The following COL4A3 variants were observed in gnomAD, a reference collection of about 807,000 sequenced individuals.
COL4A3 encodes collagen alpha-3(IV) chain.
COL4A3 carries 135 observed loss-of-function variants against 217.4 expected under a neutral mutation model. The observed-to-expected ratio is 0.62, with a 90% CI of 0.54 to 0.72. The LOEUF (loss-of-function observed/expected upper bound fraction) is 0.72. Among genes scored for constraint, COL4A3 ranks in the 30% least tolerant of loss-of-function variants. The pLI is 0.00. For synonymous variants in COL4A3, 690 were observed against 736.3 expected, an observed-to-expected ratio of 0.94 and a Z score of 1.02; for missense variants, 1,868 against 2,119.9, an observed-to-expected ratio of 0.88 and a Z score of 2.33.
intron 43 of COL4A3, among the ~76,000 whole-genome samples, chr2:227,300,046 C>T (rs1005866491): frequency 6.6e-6 from 1 of 152,134 alleles, no homozygotes; most frequent in East Asian, 1.9e-4. Context: ...TGGATAAATA[C>T]TTGGTTCTTT....
At chr2:227,295,821 C>T (rs2073004191) in intron 41 of COL4A3, among the ~76,000 whole-genome samples, 1 of 152,150 alleles carries the variant, frequency 6.6e-6, no homozygotes, top group Non-Finnish European at 1.5e-5. Context: ...GTTTACTGAA[C>T]ATGTCATTCA....
intron 26 of COL4A3, among the ~76,000 whole-genome samples, chr2:227,274,798 C>T (rs745390726): frequency 1.3e-5 from 2 of 152,116 alleles, no homozygotes; most frequent in South Asian, 2.1e-4. Flanking sequence ...CATGCCTGGC[C>T]GAAGGAGGCT....
At chr2:227,254,473 C>T (rs945472013) in intron 14 of COL4A3, among the ~76,000 whole-genome samples, 183 bp from the exon 15 acceptor site, 2 of 152,182 alleles carry the variant, frequency 1.3e-5, no homozygotes, top group Non-Finnish European at 2.9e-5. Context: ...TTATCTTCAG[C>T]ATCAGCTTTT....
intron 34 of COL4A3, among the ~76,000 whole-genome samples, chr2:227,284,672 A>C (rs187684642): frequency 1.3e-5 from 2 of 152,348 alleles, no homozygotes; most frequent in African/African-American, 4.8e-5. Context: ...ACCCTTAAAA[A>C]AATTCCACAT....
intron 43 of COL4A3, among the ~76,000 whole-genome samples, chr2:227,302,513 C>A (rs921437495): frequency 6.6e-6 from 1 of 151,834 alleles, no homozygotes; most frequent in Admixed American, 6.6e-5. Context: ...CCTGTCTCTA[C>A]TCAAAATACA....
At chr2:227,307,558 T>C in intron 47 of COL4A3, 152 bp from the exon 48 acceptor site, 3 of 673,536 alleles carry the variant, frequency 4.5e-6, no homozygotes, top group Non-Finnish European at 5.2e-6. Flanking sequence ...CATTTAATAA[T>C]ACTGTTTGGC....
At chr2:227,239,403 T>TC (rs1553749197) in intron 2 of COL4A3, among the ~76,000 whole-genome samples, 3 of 151,996 alleles carry the variant, frequency 2.0e-5, no homozygotes, top group African/African-American at 4.8e-5. Context: ...GGTTTTCGTG[T>TC]GGGGGGAAGG....
At position 227,247,576 on chromosome 2, in the gene COL4A3, G is replaced by A. The variant is rs761846274; in HGVS notation, c.460G>A (p.Gly154Arg). 6.2e-7 allele frequency: 1 copy of A among 1,614,010 alleles called. No individual in the cohort carries two copies. The highest frequency in any genetic ancestry group is 1.7e-5 in the Admixed American group (1 of 60,016). Residue 154 changes from glycine (G) to arginine (R), a missense_variant, in exon 8 of 52, where the codon GGA (glycine) becomes AGA (arginine). Coordinates refer to ENST00000396578, the MANE Select transcript of COL4A3 (RefSeq NM_000091.5). The stretch of plus-strand genomic sequence containing the variant: ...TTCCTAGGGTGCTGCTGGTTTGAAA[G>A]GACAAAAGGTAAGTCATTGGTGGAA... ...PGIPGAAGLK[G>R]QKGAPAKEED... is the part of the protein sequence containing the mutation.
chr2:227,280,833 C>T (rs774333939), intron 30 of COL4A3, 60 bp from the exon 31 acceptor site: 19 of 1,229,390 alleles, frequency 1.5e-5, no homozygotes, highest in Non-Finnish European at 2.2e-5. Context: ...ATGACTGGTA[C>T]AGCAATACCA....
rs761788293 is a variant in COL4A3, at chr2:227,250,383, G to GATAT, written c.547-756_547-753dup. On this transcript the variant is annotated intron_variant, in intron 9 of 51. Transcript: ENST00000396578. The surrounding 1 kb of genome is among the most constrained non-coding windows in gnomAD (Gnocchi z 4.1). ...AGATAGATAGATAGATAGATAGATAGATATTTAAAAATTGTATGAACCAGG... is the reference window on the plus strand; with the variant it reads ...AGATAGATAGATAGATAGATAGATAGATATATATTTAAAAATTGTATGAACCAGG... Among the ~76,000 whole-genome samples, 3 of 129,826 alleles carry GATAT rather than the reference G, an allele frequency of 2.3e-5. No individual in the cohort carries two copies. Among genetic ancestry groups the GATAT allele is most frequent in the Admixed American group, 7.7e-5 (1 of 13,042 alleles). The allele number at this position is 129,826 out of a possible 152,430, so 85.2% of individuals were successfully genotyped here. A position where few individuals can be genotyped will look rare whatever the true frequency, so the allele number is the denominator to read the frequency against.
In COL4A3 at chr2:227,203,303, ATG is replaced by A. The variant is rs1491384678; in HGVS notation, c.88-34661_88-34660del. On this transcript the variant is annotated intron_variant, in intron 1 of 51. Coordinates refer to ENST00000396578, the MANE Select transcript of COL4A3 (RefSeq NM_000091.5). ...TGTATATATACATATATGTGTATAT[ATG>A]TGTATATATACATATATGTGTATAC... Among the ~76,000 whole-genome samples, 2 of 87,992 alleles carry A rather than the reference ATG, an allele frequency of 2.3e-5. 1 individual carries two copies. The highest frequency in any genetic ancestry group is 4.5e-5 in the Non-Finnish European group (2 of 44,794). 57.7% of individuals were successfully genotyped at this position (87,992 alleles called of 152,430 possible). A position where few individuals can be genotyped will look rare whatever the true frequency, so the allele number is the denominator to read the frequency against.
intron 1 of COL4A3, among the ~76,000 whole-genome samples, chr2:227,211,516 G>A (rs186840472): frequency 7.7e-4 from 117 of 152,228 alleles, no homozygotes; most frequent in African/African-American, 2.7e-3. Flanking sequence ...TGTAGGTTTG[G>A]GGATGCATAT....
chr2:227,251,376 A>T lies in COL4A3; in HGVS notation c.645+5A>T, dbSNP rs2069730759. 1.9e-6 allele frequency: 3 copies of T among 1,612,328 alleles called. No individual in the cohort carries two copies. Among genetic ancestry groups the T allele is most frequent in the African/African-American group, 2.7e-5 (2 of 74,990 alleles). Reference sequence around the variant, plus strand: ...ATGGGACCTAGAGGACCTAAGGTAGACTACAGTTCATATGATGTAACAGCT... The same window carrying T: ...ATGGGACCTAGAGGACCTAAGGTAGTCTACAGTTCATATGATGTAACAGCT... On this transcript the variant is annotated splice_donor_5th_base_variant and intron_variant, in intron 11 of 51. Transcript: ENST00000396578.
chr2:227,311,035 A>G, intron 51 of COL4A3, 87 bp downstream of exon 51: 1 of 1,441,084 alleles, frequency 6.9e-7, no homozygotes, highest in Non-Finnish European at 9.7e-7. Context: ...ACGAGTAGCC[A>G]TGATTTTGTA....
At chr2:227,194,666 T>A (rs2066400846) in intron 1 of COL4A3, among the ~76,000 whole-genome samples, 1 of 151,944 alleles carries the variant, frequency 6.6e-6, no homozygotes, top group African/African-American at 2.4e-5. Flanking sequence ...ACTCAAAAAA[T>A]TTTCTTAAAT....
intron 1 of COL4A3, among the ~76,000 whole-genome samples, chr2:227,172,193 T>G (rs2065501327): frequency 6.6e-6 from 1 of 152,190 alleles, no homozygotes; most frequent in Non-Finnish European, 1.5e-5. Flanking sequence ...CCTTCAGGTG[T>G]TTTCATTTCT....
Position 227,312,120 on chromosome 2 carries a change from A to G in COL4A3, c.*250A>G. The G allele has an allele frequency of 1.9e-6, 1 of 521,756 alleles. No homozygotes were observed. The highest frequency in any genetic ancestry group is 4.0e-5 in the East Asian group (1 of 25,268). The allele number at this position is 521,756 out of a possible 1,614,324, so 32.3% of individuals were successfully genotyped here. A position where few individuals can be genotyped will look rare whatever the true frequency, so the allele number is the denominator to read the frequency against. On this transcript the variant is annotated 3_prime_UTR_variant, in exon 52 of 52. Coordinates refer to ENST00000396578, the MANE Select transcript of COL4A3 (RefSeq NM_000091.5). ...GCAACTATTCACAAAATATCACCAA[A>G]AACCTATTCCACTTACATCCAAGGC... is the stretch of plus-strand genomic sequence containing the variant.
intron 32 of COL4A3, 70 bp from the exon 33 acceptor site, chr2:227,283,697 A>G: frequency 8.1e-7 from 1 of 1,233,662 alleles, no homozygotes; most frequent in Admixed American, 1.7e-5. Context: ...AATTTATTTT[A>G]GTATATGGAA....
At chr2:227,252,288 A>C (rs2069810649) in intron 11 of COL4A3, among the ~76,000 whole-genome samples, 1 of 132,524 alleles carries the variant, frequency 7.5e-6, no homozygotes, top group Admixed American at 8.9e-5. Context: ...ATCTCGGCTC[A>C]CTGCAACCTC....
Sources: allele counts gnomAD v4.1 joint callset (sites outside exome capture counted in the v4.1 genomes callset), GRCh38; gene constraint gnomAD v4.1.1; non-coding constraint Gnocchi (gnomAD v3.1); transcripts MANE v1.5; gene names NCBI Gene and HGNC (gene_info 2026-07-23, HGNC 2026-07-21).